The following MAST4 variants were observed in gnomAD, a reference collection of about 807,000 sequenced individuals.
The protein encoded by MAST4 is microtubule-associated serine/threonine-protein kinase 4.
A neutral mutation model predicts 162.7 loss-of-function variants in MAST4; 89 were observed. The observed-to-expected ratio is 0.55, with a 90% CI of 0.46 to 0.65. The LOEUF is 0.65. Ranked by LOEUF, MAST4 falls within the 30% of genes least tolerant of loss-of-function variation. The pLI is 0.00. For missense variants in MAST4, 3,153 were observed against 3,374.0 expected (o/e 0.93, Z 1.62); for synonymous variants, 1,479 against 1,361.1 (o/e 1.09, Z -1.91).
chr5:66,880,171 A>G (rs184789536), intron 3 of MAST4, among the ~76,000 whole-genome samples: 1 of 152,342 alleles, frequency 6.6e-6, no homozygotes, highest in African/African-American at 2.4e-5. Flanking sequence ...CAAAGGGCCA[A>G]ATAGTAGGCT....
At chr5:66,666,221 C>T (rs1285697414) in intron 1 of MAST4, among the ~76,000 whole-genome samples, 1 of 152,138 alleles carries the variant, frequency 6.6e-6, no homozygotes, top group Non-Finnish European at 1.5e-5. Context: ...GCCTTTAAAC[C>T]TTGGCTCATA....
At chr5:66,986,795 A>G (rs949545185) in intron 4 of MAST4, among the ~76,000 whole-genome samples, 4 of 151,698 alleles carry the variant, frequency 2.6e-5, no homozygotes, top group Admixed American at 2.0e-4. Flanking sequence ...TTTATTTTTT[A>G]GAGATAGGGT....
intron 5 of MAST4, among the ~76,000 whole-genome samples, chr5:67,060,578 C>T (rs769602773): frequency 2.7e-5 from 4 of 150,538 alleles, no homozygotes; most frequent in Non-Finnish European, 4.4e-5. Flanking sequence ...CACAGGTTCA[C>T]ACCATTCTCC....
At chr5:67,032,253 G>A (rs1249479038) in intron 4 of MAST4, among the ~76,000 whole-genome samples, 1 of 152,100 alleles carries the variant, frequency 6.6e-6, no homozygotes, top group African/African-American at 2.4e-5. Flanking sequence ...AAGATTCCAG[G>A]ATCTTTAGGA....
intron 3 of MAST4, among the ~76,000 whole-genome samples, chr5:66,875,688 A>G (rs30758): frequency 0.29 from 43,700 of 152,166 alleles, 6,514 homozygotes; most frequent in East Asian, 0.54. Context: ...GTAAATAAGC[A>G]GTTAGTACCA....
chr5:66,880,789 A>C (rs939110540), intron 3 of MAST4, among the ~76,000 whole-genome samples: 2 of 152,196 alleles, frequency 1.3e-5, no homozygotes, highest in African/African-American at 4.8e-5. Context: ...CACAGTATTA[A>C]AGCACTCAAA....
chr5:66,980,553 C>T (rs1369074025), intron 4 of MAST4, among the ~76,000 whole-genome samples: 4 of 152,152 alleles, frequency 2.6e-5, no homozygotes, highest in African/African-American at 9.7e-5. Context: ...TGGAATTTTA[C>T]AAGAAATCTT....
intron 5 of MAST4, among the ~76,000 whole-genome samples, chr5:67,083,245 A>G (rs769634879): frequency 6.6e-6 from 1 of 152,222 alleles, no homozygotes; most frequent in Non-Finnish European, 1.5e-5. Flanking sequence ...AAATTGAAAA[A>G]TGATTAACTT....
At chr5:67,019,585 C>T (rs911792370) in intron 4 of MAST4, among the ~76,000 whole-genome samples, 1 of 152,202 alleles carries the variant, frequency 6.6e-6, no homozygotes, top group Admixed American at 6.5e-5. Flanking sequence ...TCCATCTGCT[C>T]CACATCTTCC....
chr5:66,643,678 A>T (rs1052628327), intron 1 of MAST4, among the ~76,000 whole-genome samples: 2 of 151,942 alleles, frequency 1.3e-5, no homozygotes, highest in African/African-American at 4.8e-5. Flanking sequence ...TTGTTTTGCT[A>T]GTCAAAGTGA....
At chr5:66,689,563 C>G (rs946645612) in intron 1 of MAST4, among the ~76,000 whole-genome samples, 3 of 152,080 alleles carry the variant, frequency 2.0e-5, no homozygotes, top group African/African-American at 7.2e-5. Context: ...AACTTCAGCC[C>G]AGTGCCTTAT....
In MAST4 at chr5:67,041,129, C is replaced by T. The variant is rs181738419; in HGVS notation, c.675-13275C>T. Among the ~76,000 whole-genome samples the T allele has an allele frequency of 3.9e-5, 6 of 152,300 alleles. No homozygotes were observed. The Middle Eastern group carries it at 0.014, about 345-fold the overall frequency. On this transcript the variant is annotated intron_variant, in intron 4 of 28. Transcript: ENST00000403625. ...TCCATGAAGCTAATAAGAAGGTTGT[C>T]TGGGGACCATGGTAGCAGAGCAAGA...
At position 67,168,105 on chromosome 5, in the gene MAST4, G is replaced by A. The variant is rs1230516453; in HGVS notation, c.*1054G>A. 2.6e-5 allele frequency: 4 copies of A among 152,342 alleles called. No homozygotes were observed. The East Asian group carries it at 7.7e-4, about 29-fold the overall frequency. 9.4% of individuals were successfully genotyped at this position (152,342 alleles called of 1,614,324 possible). On this transcript the variant is annotated 3_prime_UTR_variant, in exon 29 of 29. Transcript: ENST00000403625. Reference sequence around the variant, plus strand: ...GAGTAATAAGCATCAGGCATTGGAAGAGGTTTTAAATTTGCTTTTTTGAGG... The same window carrying A: ...GAGTAATAAGCATCAGGCATTGGAAAAGGTTTTAAATTTGCTTTTTTGAGG...
chr5:66,875,896 G>A (rs1474474718), intron 3 of MAST4, among the ~76,000 whole-genome samples: 1 of 152,144 alleles, frequency 6.6e-6, no homozygotes, highest in African/African-American at 2.4e-5. Context: ...CAGGTAGCTA[G>A]GACTACAGGT....
intron 1 of MAST4, among the ~76,000 whole-genome samples, chr5:66,714,473 G>C (rs1034030771): frequency 6.6e-6 from 1 of 152,190 alleles, no homozygotes; most frequent in African/African-American, 2.4e-5. Flanking sequence ...CTCTCTTGAT[G>C]TGCCACTGTC....
At chr5:67,121,562 G>T (rs932143743) in intron 14 of MAST4, among the ~76,000 whole-genome samples, 1 of 151,538 alleles carries the variant, frequency 6.6e-6, no homozygotes, top group African/African-American at 2.4e-5. Flanking sequence ...AATAAGTCTG[G>T]TTGAAGATTT....
chr5:66,938,012 A>C (rs1742947971), intron 4 of MAST4, among the ~76,000 whole-genome samples: 1 of 151,886 alleles, frequency 6.6e-6, no homozygotes, highest in Non-Finnish European at 1.5e-5. Flanking sequence ...TTTCTGTGGG[A>C]TCCATTCAGG....
chr5:67,071,959 G>A (rs1345705662), intron 5 of MAST4, among the ~76,000 whole-genome samples: 1 of 152,172 alleles, frequency 6.6e-6, no homozygotes, highest in Admixed American at 6.5e-5. Flanking sequence ...GGTGACAGAA[G>A]CACACATGTG....
intron 16 of MAST4, 111 bp from the exon 17 acceptor site, chr5:67,133,403 T>G: frequency 8.3e-7 from 1 of 1,201,066 alleles, no homozygotes; most frequent in Non-Finnish European, 1.2e-6. Flanking sequence ...GTAATAAGCT[T>G]GATGCCCATA....
Sources: allele counts gnomAD v4.1 joint callset (sites outside exome capture counted in the v4.1 genomes callset), GRCh38; gene constraint gnomAD v4.1.1; transcripts MANE v1.5; gene names NCBI Gene and HGNC (gene_info 2026-07-23, HGNC 2026-07-21).